The following SCEL variants were observed in gnomAD, a reference collection of about 807,000 sequenced individuals.
The protein encoded by SCEL is sciellin.
In SCEL, 113 loss-of-function variants were observed where a neutral mutation model predicts 117.6. The observed-to-expected ratio is 0.96, with a 90% CI of 0.83 to 1.12. The LOEUF is 1.12. Among genes scored for constraint, SCEL ranks in the 50% most tolerant of loss-of-function variants. The pLI, the probability that SCEL is intolerant of heterozygous loss-of-function variation, is 0.00. For missense variants in SCEL, 785 were observed against 810.8 expected (o/e 0.97, Z 0.39); for synonymous variants, 270 against 256.2 (o/e 1.05, Z -0.51).
chr13:77,621,447 C>G (rs2089415220), intron 27 of SCEL, among the ~76,000 whole-genome samples: 1 of 152,194 alleles, frequency 6.6e-6, no homozygotes, highest in African/African-American at 2.4e-5. Flanking sequence ...GCTTAGGTGT[C>G]TCTCACTCAG....
chr13:77,573,675 A>ATCTATCTG (rs1207684474), intron 9 of SCEL, among the ~76,000 whole-genome samples: 1 of 147,670 alleles, frequency 6.8e-6, no homozygotes, highest in Non-Finnish European at 1.5e-5. Context: ...CTATCTATCT[A>ATCTATCTG]TCTATCTGTC....
At chr13:77,580,168 C>A (rs539592388) in intron 9 of SCEL, among the ~76,000 whole-genome samples, 1 of 152,240 alleles carries the variant, frequency 6.6e-6, no homozygotes, top group Non-Finnish European at 1.5e-5. Flanking sequence ...GAGCTCTGAC[C>A]ATATGCTGTA....
At chr13:77,547,329 A>G (rs2084047577) in intron 1 of SCEL, among the ~76,000 whole-genome samples, 1 of 152,268 alleles carries the variant, frequency 6.6e-6, no homozygotes, top group Non-Finnish European at 1.5e-5. Flanking sequence ...AGTGATGATT[A>G]CTAACTGCTT....
At chr13:77,558,899 G>T (rs1194168452) in intron 3 of SCEL, among the ~76,000 whole-genome samples, 4 of 151,532 alleles carry the variant, frequency 2.6e-5, no homozygotes, top group Non-Finnish European at 4.4e-5. Flanking sequence ...TGGTATTTCA[G>T]GTTTTGTTGG....
chr13:77,568,927 C>G (rs1341926988), intron 7 of SCEL, among the ~76,000 whole-genome samples: 2 of 152,132 alleles, frequency 1.3e-5, no homozygotes, highest in Non-Finnish European at 2.9e-5. Context: ...GGGTCACTTC[C>G]ATTTTTGAGG....
At chr13:77,637,607 G>T (rs2090366642) in intron 30 of SCEL, among the ~76,000 whole-genome samples, 1 of 151,982 alleles carries the variant, frequency 6.6e-6, no homozygotes, top group South Asian at 2.1e-4. Flanking sequence ...ACCTTTCTGT[G>T]CCTTACAGCT....
rs1315208428 is a variant in SCEL, at chr13:77,563,986, C to T, written c.290+87C>T. The T allele has an allele frequency of 5.4e-6, 5 of 930,082 alleles. No individual in the cohort carries two copies. The Admixed American group carries it at 1.2e-4, about 22-fold the overall frequency. The allele number at this position is 930,082 out of a possible 1,614,324, so 57.6% of individuals were successfully genotyped here. ...AGTTATGAAGTATTTAAAAGTTTACCAAAATAAGGTTTGAATCACTGATAT... is the reference window on the plus strand; with the variant it reads ...AGTTATGAAGTATTTAAAAGTTTACTAAAATAAGGTTTGAATCACTGATAT... On this transcript the variant is annotated intron_variant, in intron 5 of 32. Coordinates refer to ENST00000349847, the MANE Select transcript of SCEL (RefSeq NM_144777.3).
chr13:77,545,654 AG>A (rs2083947095), intron 1 of SCEL, among the ~76,000 whole-genome samples: 1 of 152,230 alleles, frequency 6.6e-6, no homozygotes, highest in Non-Finnish European at 1.5e-5. Flanking sequence ...TTTACATGGA[AG>A]CTTCTAGAAA....
chr13:77,561,375 A>G (rs1344303403), intron 4 of SCEL, among the ~76,000 whole-genome samples: 2 of 152,220 alleles, frequency 1.3e-5, no homozygotes, highest in Non-Finnish European at 2.9e-5. Context: ...GGTGGCCAAC[A>G]TTGTGGCTAA....
At chr13:77,586,868 T>A (rs978709158) in intron 9 of SCEL, among the ~76,000 whole-genome samples, 2 of 152,116 alleles carry the variant, frequency 1.3e-5, no homozygotes, top group African/African-American at 2.4e-5. Context: ...GCTTCAGTGT[T>A]TTAATCTGTA....
At chr13:77,601,312 G>A (rs2087670160) in intron 15 of SCEL, among the ~76,000 whole-genome samples, 1 of 152,052 alleles carries the variant, frequency 6.6e-6, no homozygotes, top group Admixed American at 6.5e-5. Context: ...ACTGAGTTTT[G>A]GTGCAGGAAT....
intron 5 of SCEL, among the ~76,000 whole-genome samples, chr13:77,565,786 CAT>C (rs149315780): frequency 0.025 from 3,773 of 152,180 alleles, 158 homozygotes; most frequent in East Asian, 0.13. Flanking sequence ...GCAAAAGAGA[CAT>C]AAATAAATGT....
At chr13:77,643,548 C>T (rs755161122) in intron 32 of SCEL, among the ~76,000 whole-genome samples, 4 of 152,000 alleles carry the variant, frequency 2.6e-5, no homozygotes, top group Admixed American at 6.6e-5. Flanking sequence ...ATTGAGAAGA[C>T]GGTCAACGGT....
chr13:77,601,812 T>G (rs1301772973), intron 15 of SCEL, among the ~76,000 whole-genome samples: 1 of 152,232 alleles, frequency 6.6e-6, no homozygotes, highest in East Asian at 1.9e-4. Flanking sequence ...GTTAAAACTT[T>G]TAAGTTGACT....
At chr13:77,546,452 C>T (rs73227351) in intron 1 of SCEL, among the ~76,000 whole-genome samples, 75 of 152,180 alleles carry the variant, frequency 4.9e-4, no homozygotes, top group Non-Finnish European at 4.6e-4. Flanking sequence ...TAGTACTGGC[C>T]TGGAAGGATT....
intron 1 of SCEL, among the ~76,000 whole-genome samples, chr13:77,553,053 G>A (rs1249131828): frequency 1.3e-5 from 2 of 152,124 alleles, no homozygotes; most frequent in South Asian, 2.1e-4. Flanking sequence ...CAAGAGCCTC[G>A]TTTTAACTTA....
At chr13:77,603,904 G>A (rs573092790) in intron 18 of SCEL, among the ~76,000 whole-genome samples, 1 of 152,088 alleles carries the variant, frequency 6.6e-6, no homozygotes, top group Non-Finnish European at 1.5e-5. Flanking sequence ...TTAAATTCTT[G>A]TTATTATGAA....
Position 77,577,973 on chromosome 13 carries a change from C to T in SCEL, c.545+5784C>T, listed in dbSNP as rs111253346. Among the ~76,000 whole-genome samples the T allele has an allele frequency of 5.4e-3, 816 of 152,234 alleles. 10 individuals are homozygous for T. Among genetic ancestry groups the T allele is most frequent in the African/African-American group, 0.019 (777 of 41,540 alleles). On this transcript the variant is annotated intron_variant, in intron 9 of 32. Transcript: ENST00000349847. ...GTTTTTTTCCCTGCGCTAGCCTGTC[C>T]TTAGAGAATCTTATTATCATAACAA... is the stretch of plus-strand genomic sequence containing the variant.
intron 27 of SCEL, among the ~76,000 whole-genome samples, chr13:77,619,250 T>A (rs1281213881): frequency 1.3e-5 from 2 of 152,238 alleles, no homozygotes; most frequent in Non-Finnish European, 2.9e-5. Flanking sequence ...TCATATTTTC[T>A]TCTTGCTGTT....
Sources: allele counts gnomAD v4.1 joint callset (sites outside exome capture counted in the v4.1 genomes callset), GRCh38; gene constraint gnomAD v4.1.1; transcripts MANE v1.5; gene names NCBI Gene and HGNC (gene_info 2026-07-23, HGNC 2026-07-21).